Variants in ZNRF1 observed in about 807,000 individuals in gnomAD.
The protein encoded by ZNRF1 is zinc and ring finger 1, also known as E3 ubiquitin-protein ligase ZNRF1.
In ZNRF1, 3 loss-of-function variants were observed where a neutral mutation model predicts 18.4. That is an observed-to-expected ratio of 0.16 (90% CI 0.07 to 0.42). The LOEUF (loss-of-function observed/expected upper bound fraction) is 0.42. Ranked by LOEUF, ZNRF1 falls within the 10% of genes least tolerant of loss-of-function variation. ZNRF1 has a pLI of 0.99. For missense variants in ZNRF1, 310 were observed against 329.8 expected, an observed-to-expected ratio of 0.94 and a Z score of 0.47; for synonymous variants, 157 against 144.2, an observed-to-expected ratio of 1.09 and a Z score of -0.64.
At chr16:75,093,487 A>T in intron 1 of ZNRF1, 85 bp from the exon 2 acceptor site, 2 of 1,061,614 alleles carry the variant, frequency 1.9e-6, no homozygotes, top group Non-Finnish European at 2.9e-6. Flanking sequence ...CTGAGCCCAC[A>T]TGGCTGTCAT....
chr16:75,059,733 C>T (rs146660613), intron 1 of ZNRF1, among the ~76,000 whole-genome samples: 1 of 152,116 alleles, frequency 6.6e-6, no homozygotes. Context: ...TTTACTCTAC[C>T]TGTAATGTTT....
At chr16:75,051,627 C>G (rs2035607158) in intron 1 of ZNRF1, among the ~76,000 whole-genome samples, 1 of 152,120 alleles carries the variant, frequency 6.6e-6, no homozygotes, top group Non-Finnish European at 1.5e-5. Flanking sequence ...AAGCGATTCT[C>G]CTGCCTCAGC....
chr16:75,030,833 C>CTTTTTTTTTTTTTTTTTTTTTTTTTTT (rs59468839), intron 1 of ZNRF1, among the ~76,000 whole-genome samples: 2 of 91,380 alleles, frequency 2.2e-5, no homozygotes, highest in Non-Finnish European at 4.4e-5. Flanking sequence ...CACTTTATTC[C>CTTTTTTTTTTTTTTTTTTTTTTTTTTT]TTTTTTTTTT....
At chr16:75,076,737 G>A (rs754335898) in intron 1 of ZNRF1, among the ~76,000 whole-genome samples, 1 of 150,868 alleles carries the variant, frequency 6.6e-6, no homozygotes, top group Non-Finnish European at 1.5e-5. Context: ...AATCCCTAAT[G>A]TGATGGTATT....
At chr16:75,060,832 A>G (rs1454869132) in intron 1 of ZNRF1, among the ~76,000 whole-genome samples, 1 of 152,088 alleles carries the variant, frequency 6.6e-6, no homozygotes, top group African/African-American at 2.4e-5. Flanking sequence ...TAGAATTCCA[A>G]GGTCATCTCT....
intron 4 of ZNRF1, chr16:75,106,814 G>A (rs972652672): frequency 1.1e-5 from 5 of 455,680 alleles, no homozygotes; most frequent in African/African-American, 9.9e-5. Flanking sequence ...ATCAGTTGGG[G>A]AAGAGACCAG....
chr16:75,068,073 G>A (rs1264632804), intron 1 of ZNRF1, among the ~76,000 whole-genome samples: 3 of 151,440 alleles, frequency 2.0e-5, no homozygotes, highest in East Asian at 1.9e-4. Context: ...GTATTAGAGG[G>A]CCAGGCATGG....
chr16:75,092,678 A>G (rs1433466190), intron 1 of ZNRF1, among the ~76,000 whole-genome samples: 2 of 152,216 alleles, frequency 1.3e-5, no homozygotes, highest in Non-Finnish European at 2.9e-5. Flanking sequence ...TATGGGTACA[A>G]TTCTGTATCA....
Position 75,108,623 on chromosome 16 carries a change from G to A in ZNRF1, c.*923G>A, listed in dbSNP as rs750463193. 6 of 398,792 alleles carry A rather than the reference G, an allele frequency of 1.5e-5. No homozygotes were observed. Among genetic ancestry groups the A allele is most frequent in the Admixed American group, 4.4e-5 (1 of 22,718 alleles). The allele number at this position is 398,792 out of a possible 1,614,324, so 24.7% of individuals were successfully genotyped here. A position where few individuals can be genotyped will look rare whatever the true frequency, so the allele number is the denominator to read the frequency against. ...AAATACAAAAAAAAACTTATAAAAT[G>A]TTTAAAAAAATGTTCAAAGCTTGGG... On this transcript the variant is annotated 3_prime_UTR_variant, in exon 5 of 5. Coordinates refer to ENST00000335325, the MANE Select transcript of ZNRF1 (RefSeq NM_032268.5).
At chr16:75,079,799 C>T (rs764822305) in intron 1 of ZNRF1, among the ~76,000 whole-genome samples, 1 of 152,218 alleles carries the variant, frequency 6.6e-6, no homozygotes, top group Non-Finnish European at 1.5e-5. Context: ...TGCAGCTGAA[C>T]AGAGGATGCC....
intron 1 of ZNRF1, among the ~76,000 whole-genome samples, chr16:75,065,290 C>T (rs1411459049): frequency 6.6e-6 from 1 of 152,196 alleles, no homozygotes; most frequent in Non-Finnish European, 1.5e-5. Flanking sequence ...CTGGGGTTTG[C>T]AGGGCTGGAT....
intron 1 of ZNRF1, among the ~76,000 whole-genome samples, chr16:75,006,667 C>T (rs2034921901): frequency 6.6e-6 from 1 of 152,168 alleles, no homozygotes; most frequent in South Asian, 2.1e-4. Flanking sequence ...AACTCCTGAC[C>T]TCGGGTGATC....
chr16:75,021,634 G>C (rs969251276), intron 1 of ZNRF1, among the ~76,000 whole-genome samples: 2 of 152,122 alleles, frequency 1.3e-5, no homozygotes, highest in African/African-American at 4.8e-5. Context: ...CTGTTTCTCA[G>C]CAATTAGATG....
At chr16:75,073,112 G>C (rs1435229400) in intron 1 of ZNRF1, among the ~76,000 whole-genome samples, 1 of 67,222 alleles carries the variant, frequency 1.5e-5, no homozygotes, top group Non-Finnish European at 3.5e-5. Context: ...AACATAGTGA[G>C]ACCCCATCTC....
At chr16:75,014,044 C>A (rs997656241) in intron 1 of ZNRF1, among the ~76,000 whole-genome samples, 2 of 151,698 alleles carry the variant, frequency 1.3e-5, no homozygotes, top group African/African-American at 4.8e-5. Flanking sequence ...TTGGCCAGGC[C>A]GGTCTTGAAC....
At chr16:75,011,164 C>A (rs78986461) in intron 1 of ZNRF1, among the ~76,000 whole-genome samples, 2 of 152,190 alleles carry the variant, frequency 1.3e-5, no homozygotes, top group Non-Finnish European at 2.9e-5. Context: ...GGAGAAGGTG[C>A]CTTTTTTGGA....
intron 1 of ZNRF1, among the ~76,000 whole-genome samples, chr16:75,057,367 T>A (rs912726750): frequency 6.6e-6 from 1 of 152,200 alleles, no homozygotes; most frequent in Non-Finnish European, 1.5e-5. Flanking sequence ...CACTTGGAGT[T>A]TTTTTTAATA....
chr16:75,047,100 T>A (rs566383545), intron 1 of ZNRF1, among the ~76,000 whole-genome samples: 3 of 152,250 alleles, frequency 2.0e-5, no homozygotes, highest in Admixed American at 2.0e-4. Flanking sequence ...ATGTATTCAT[T>A]ACAGATCCAC....
intron 1 of ZNRF1, among the ~76,000 whole-genome samples, chr16:75,036,143 T>TCACAG (rs1275060486): frequency 1.3e-5 from 2 of 152,144 alleles, no homozygotes; most frequent in African/African-American, 4.8e-5. Flanking sequence ...CAATCTCAGC[T>TCACAG]CACAGCAGCC....
Sources: gnomAD v4.1 joint callset for allele counts (sites outside exome capture counted in the v4.1 genomes callset) on GRCh38, gnomAD v4.1.1 for gene constraint, MANE v1.5 for transcripts, NCBI Gene and HGNC (gene_info 2026-07-23, HGNC 2026-07-21) for gene names.